PTPRR: variants seen among roughly 807,000 people sequenced by gnomAD.
PTPRR encodes the protein receptor-type tyrosine-protein phosphatase R.
A neutral mutation model predicts 77.2 loss-of-function variants in PTPRR; 38 were observed. That is an observed-to-expected ratio of 0.49 (90% CI 0.38 to 0.65). PTPRR has a LOEUF of 0.65. Among genes scored for constraint, PTPRR ranks in the 30% least tolerant of loss-of-function variants. PTPRR has a pLI of 0.00. For missense variants in PTPRR, 744 were observed against 799.2 expected (o/e 0.93, Z 0.83); for synonymous variants, 299 against 283.1 (o/e 1.06, Z -0.57).
intron 13 of PTPRR, chr12:70,639,489 G>A: frequency 7.6e-7 from 1 of 1,322,162 alleles, no homozygotes; most frequent in Non-Finnish European, 9.7e-7. Context: ...ACAGTTCCCA[G>A]CACACACTAG....
chr12:70,725,615 G>A (rs1413318044), intron 6 of PTPRR, among the ~76,000 whole-genome samples: 1 of 152,098 alleles, frequency 6.6e-6, no homozygotes, highest in African/African-American at 2.4e-5. Flanking sequence ...AAAGTACCGA[G>A]AGCCAACTTA....
intron 6 of PTPRR, among the ~76,000 whole-genome samples, chr12:70,742,252 G>T (rs1332679137): frequency 1.3e-5 from 2 of 152,188 alleles, no homozygotes; most frequent in Non-Finnish European, 2.9e-5. Flanking sequence ...GAAAAGGGCT[G>T]AGATTGAGTT....
At chr12:70,737,401 C>A (rs1889898046) in intron 6 of PTPRR, among the ~76,000 whole-genome samples, 2 of 152,046 alleles carry the variant, frequency 1.3e-5, no homozygotes, top group African/African-American at 2.4e-5. Flanking sequence ...CACCAAAGAC[C>A]TAAGAGAAAG....
At chr12:70,689,195 AAAAT>A (rs1270345035) in intron 8 of PTPRR, among the ~76,000 whole-genome samples, 1 of 152,204 alleles carries the variant, frequency 6.6e-6, no homozygotes, top group Non-Finnish European at 1.5e-5. Flanking sequence ...CTCACCACAA[AAAAT>A]AAATAAATAT....
chr12:70,805,562 T>C (rs1891695750), intron 2 of PTPRR, among the ~76,000 whole-genome samples: 1 of 152,178 alleles, frequency 6.6e-6, no homozygotes, highest in Non-Finnish European at 1.5e-5. Context: ...AGTCTGCCTA[T>C]GTTGCCCAGG....
intron 3 of PTPRR, among the ~76,000 whole-genome samples, chr12:70,764,159 C>T (rs1172401170): frequency 6.6e-6 from 1 of 152,026 alleles, no homozygotes; most frequent in Non-Finnish European, 1.5e-5. Context: ...GCCTTGTGCA[C>T]TCAATGTCCA....
intron 2 of PTPRR, among the ~76,000 whole-genome samples, chr12:70,843,437 C>T (rs1892429754): frequency 6.6e-6 from 1 of 152,154 alleles, no homozygotes; most frequent in African/African-American, 2.4e-5. Flanking sequence ...ACATAAACAT[C>T]TTAAATTACA....
chr12:70,879,372 T>C (rs996764236), intron 2 of PTPRR, among the ~76,000 whole-genome samples: 2 of 148,632 alleles, frequency 1.3e-5, no homozygotes, highest in African/African-American at 4.9e-5. Flanking sequence ...ATTTGAAGAA[T>C]AGAAATTTAC....
rs368474488 is a variant in PTPRR, at chr12:70,815,367, G to C, written c.358-50589C>G. On this transcript the variant is annotated intron_variant, in intron 2 of 13. Coordinates refer to ENST00000283228, the MANE Select transcript of PTPRR (RefSeq NM_002849.4). ...AGCTTAAGTGGCCTAATAAATTGGT[G>C]GGGGGGAGTTCTTAAGTATATTTTA... 4.0e-5 allele frequency among the ~76,000 whole-genome samples: 6 copies of C among 151,674 alleles called. No individual in the cohort carries two copies. In the South Asian group the frequency reaches 1.0e-3, roughly 26 times the overall value.
intron 2 of PTPRR, among the ~76,000 whole-genome samples, chr12:70,856,177 C>G (rs975114797): frequency 2.0e-5 from 3 of 152,290 alleles, no homozygotes; most frequent in South Asian, 4.1e-4. Flanking sequence ...ATGCCATCCA[C>G]TACACCAAGC....
chr12:70,877,042 A>C (rs1248504444), intron 2 of PTPRR, among the ~76,000 whole-genome samples: 3 of 152,202 alleles, frequency 2.0e-5, no homozygotes, highest in African/African-American at 7.2e-5. Context: ...GTGAGATCCA[A>C]AGTTCAAAGT....
chr12:70,797,616 G>A (rs1346401429), intron 2 of PTPRR, among the ~76,000 whole-genome samples: 1 of 152,180 alleles, frequency 6.6e-6, no homozygotes, highest in African/African-American at 2.4e-5. Flanking sequence ...AACCAATCAT[G>A]TCAATGGTCT....
intron 5 of PTPRR, among the ~76,000 whole-genome samples, chr12:70,751,006 A>C (rs529234557): frequency 2.0e-5 from 3 of 148,976 alleles, no homozygotes; most frequent in Admixed American, 6.7e-5. Flanking sequence ...TCCCAAGTGC[A>C]GGGATTACAG....
intron 2 of PTPRR, among the ~76,000 whole-genome samples, chr12:70,859,624 T>C (rs1892716395): frequency 6.6e-6 from 1 of 151,898 alleles, no homozygotes; most frequent in Non-Finnish European, 1.5e-5. Context: ...CTAGAGATGT[T>C]TATAGATTTG....
chr12:70,899,570 C>T (rs894481362), intron 1 of PTPRR, among the ~76,000 whole-genome samples: 4 of 151,408 alleles, frequency 2.6e-5, no homozygotes, highest in Non-Finnish European at 4.4e-5. Flanking sequence ...AGAATGTTCT[C>T]AACCTGATAA....
At chr12:70,822,475 C>A (rs1892032402) in intron 2 of PTPRR, among the ~76,000 whole-genome samples, 1 of 152,194 alleles carries the variant, frequency 6.6e-6, no homozygotes, top group Non-Finnish European at 1.5e-5. Flanking sequence ...AAACATGTGT[C>A]ATGCCCTGTA....
Position 70,784,596 on chromosome 12 carries a change from CA to C in PTPRR, c.358-19819del, listed in dbSNP as rs376497432. Among the ~76,000 whole-genome samples the C allele has an allele frequency of 3.8e-4, 58 of 152,354 alleles. No homozygotes were observed. In the East Asian group the frequency reaches 0.011, roughly 28 times the overall value. On this transcript the variant is annotated intron_variant, in intron 2 of 13. Coordinates refer to ENST00000283228, the MANE Select transcript of PTPRR (RefSeq NM_002849.4). ...CTGCCTCCTCCCAGTACCCTCCCTG[CA>C]GCGGCCGGCATGATGGCAGCAGCCG...
chr12:70,893,072 C>A, intron 1 of PTPRR, 95 bp from the exon 2 acceptor site: 1 of 1,325,678 alleles, frequency 7.5e-7, no homozygotes, highest in Non-Finnish European at 1.0e-6. Context: ...TCTTGAGAGG[C>A]TTTAAGACTT....
intron 6 of PTPRR, among the ~76,000 whole-genome samples, chr12:70,737,977 C>T (rs937972835): frequency 2.0e-5 from 3 of 152,130 alleles, no homozygotes; most frequent in African/African-American, 4.8e-5. Context: ...CTTTAAGCAT[C>T]GAAATGTACC....
Sources: allele counts gnomAD v4.1 joint callset (sites outside exome capture counted in the v4.1 genomes callset), GRCh38; gene constraint gnomAD v4.1.1; transcripts MANE v1.5; gene names NCBI Gene and HGNC (gene_info 2026-07-23, HGNC 2026-07-21).